SAP30BP: variants seen among roughly 807,000 people sequenced by gnomAD.
SAP30BP encodes the protein SAP30-binding protein.
In SAP30BP, 31 loss-of-function variants were observed where a neutral mutation model predicts 46.3. The observed-to-expected ratio is 0.67, with a 90% CI of 0.50 to 0.90. The LOEUF (loss-of-function observed/expected upper bound fraction) is 0.90, where lower values mean the gene tolerates loss of function less well. Ranked by LOEUF, SAP30BP falls within the 40% of genes least tolerant of loss-of-function variation. The pLI is 0.00. For missense variants in SAP30BP, 312 were observed against 391.0 expected (o/e 0.80, Z 1.70); for synonymous variants, 169 against 144.2 (o/e 1.17, Z -1.23).
At chr17:75,693,224 C>T (rs575375577) in intron 3 of SAP30BP, 66 of 549,136 alleles carry the variant, frequency 1.2e-4, no homozygotes, top group African/African-American at 9.9e-4. Context: ...GAGAGACCGG[C>T]GTGGGGCTCG....
intron 4 of SAP30BP, among the ~76,000 whole-genome samples, chr17:75,695,780 A>G (rs1381418886): frequency 6.6e-6 from 1 of 152,136 alleles, no homozygotes; most frequent in African/African-American, 2.4e-5. Context: ...AGAGCAGAGA[A>G]GCCAAACCAC....
chr17:75,706,157 G>T lies in SAP30BP; in HGVS notation c.745+65G>T. The T allele has an allele frequency of 6.3e-7, 1 of 1,577,246 alleles. No individual in the cohort carries two copies. Among genetic ancestry groups the T allele is most frequent in the South Asian group, 1.1e-5 (1 of 88,346 alleles). ...GAGCCAGGGTCTCCCTGGCTTGTTT[G>T]GGCGACAGACAGCACGTGGATCTGG... On this transcript the variant is annotated intron_variant, in intron 10 of 10. Transcript: ENST00000584667. The surrounding 1 kb of genome is among the most constrained non-coding windows in gnomAD (Gnocchi z 4.6).
chr17:75,687,964 C>A (rs1387459551), intron 3 of SAP30BP, among the ~76,000 whole-genome samples: 1 of 72,306 alleles, frequency 1.4e-5, no homozygotes, highest in Non-Finnish European at 2.9e-5. Flanking sequence ...GTGAGAGAGA[C>A]AGAGAGAGGT....
chr17:75,693,233 C>T (rs1013102480), intron 3 of SAP30BP: 16 of 565,208 alleles, frequency 2.8e-5, no homozygotes, highest in East Asian at 2.1e-4. Context: ...GCGTGGGGCT[C>T]GGGAGCATCC....
At chr17:75,675,016 G>A (rs1048355971) in intron 3 of SAP30BP, among the ~76,000 whole-genome samples, 15 of 152,042 alleles carry the variant, frequency 9.9e-5, no homozygotes, top group Non-Finnish European at 2.1e-4. Context: ...ATGAACATAG[G>A]AAGTTTCTAA....
intron 3 of SAP30BP, 107 bp from the exon 4 acceptor site, chr17:75,693,333 G>A (rs1568315482): frequency 4.3e-6 from 4 of 923,322 alleles, no homozygotes; most frequent in South Asian, 1.4e-5. Context: ...GTTCCTGGCA[G>A]TGCTTTTACT....
At chr17:75,705,499 C>A in intron 9 of SAP30BP, 3 of 438,622 alleles carry the variant, frequency 6.8e-6, no homozygotes, top group Non-Finnish European at 9.2e-6. Context: ...GAGGTGCTGG[C>A]TGCTGGGCCA....
In SAP30BP at chr17:75,708,043, CTG is replaced by C. The variant is rs1240448830; in HGVS notation, c.*1524_*1525del. 7 of 151,940 alleles carry C rather than the reference CTG, an allele frequency of 4.6e-5. No homozygotes were observed. Among genetic ancestry groups the C allele is most frequent in the Admixed American group, 3.9e-4 (6 of 15,204 alleles). 9.4% of individuals were successfully genotyped at this position (151,940 alleles called of 1,614,324 possible). A position where few individuals can be genotyped will look rare whatever the true frequency, so the allele number is the denominator to read the frequency against. ...GTGACTTATGCAAAAGCTTTATAAA[CTG>C]TAAAGTTCCTGCCAGTGTTTTTTGT... On this transcript the variant is annotated 3_prime_UTR_variant, in exon 11 of 11. Coordinates refer to ENST00000584667, the MANE Select transcript of SAP30BP (RefSeq NM_013260.8).
At chr17:75,701,209 C>T (rs1293135924) in intron 5 of SAP30BP, among the ~76,000 whole-genome samples, 1 of 152,240 alleles carries the variant, frequency 6.6e-6, no homozygotes, top group Non-Finnish European at 1.5e-5. Flanking sequence ...TGCCCACCTG[C>T]TTTTGCCGGC....
At chr17:75,667,820 G>A (rs1217147430) in intron 1 of SAP30BP, among the ~76,000 whole-genome samples, 3 of 152,314 alleles carry the variant, frequency 2.0e-5, no homozygotes, top group Non-Finnish European at 2.9e-5. Flanking sequence ...AAACATACGT[G>A]GAAGATGGTA....
At chr17:75,668,899 G>T (rs1390605001) in intron 2 of SAP30BP, among the ~76,000 whole-genome samples, 1 of 152,062 alleles carries the variant, frequency 6.6e-6, no homozygotes, top group Non-Finnish European at 1.5e-5. Flanking sequence ...GTTTTATGTT[G>T]ATTTTTCCCT....
Position 75,703,837 on chromosome 17 carries a change from G to C in SAP30BP, c.579G>C (p.Glu193Asp). ...KDMFDPHGWSEDSYYEALAKA... is the reference protein window; with the variant it reads ...KDMFDPHGWSDDSYYEALAKA... The stretch of plus-strand genomic sequence containing the variant: ...TGTTTGATCCCCATGGCTGGTCTGA[G>C]GACTCCTACTATGAGGCATTAGGTA... Residue 193 changes from glutamate to aspartate, a missense_variant, in exon 8 of 11, where the codon GAG becomes GAC. Around this residue, in one of 2 missense-constraint regions of SAP30BP, gnomAD observed 296 missense variants for 346.6 expected, o/e 0.85. Transcript: ENST00000584667. 1 of 1,613,766 alleles carries C rather than the reference G, an allele frequency of 6.2e-7. No homozygotes were observed. The highest frequency in any genetic ancestry group is 1.1e-5 in the South Asian group (1 of 91,072).
At chr17:75,677,748 C>A (rs2060014131) in intron 3 of SAP30BP, among the ~76,000 whole-genome samples, 1 of 144,026 alleles carries the variant, frequency 6.9e-6, no homozygotes, top group Non-Finnish European at 1.5e-5. Flanking sequence ...TGGGATTACA[C>A]CCAGCCCTTT....
intron 3 of SAP30BP, among the ~76,000 whole-genome samples, chr17:75,673,238 C>G (rs1042729382): frequency 2.0e-5 from 3 of 152,114 alleles, no homozygotes; most frequent in African/African-American, 7.2e-5. Flanking sequence ...AAAAGAACCC[C>G]TGAAAACTGT....
At chr17:75,687,980 C>T (rs1012007733) in intron 3 of SAP30BP, among the ~76,000 whole-genome samples, 6 of 145,724 alleles carry the variant, frequency 4.1e-5, no homozygotes, top group Admixed American at 4.1e-4. Context: ...GAGGTCAGTG[C>T]TTGAGCACCT....
At chr17:75,673,481 C>T (rs1400472186) in intron 3 of SAP30BP, among the ~76,000 whole-genome samples, 3 of 152,058 alleles carry the variant, frequency 2.0e-5, no homozygotes, top group Non-Finnish European at 4.4e-5. Flanking sequence ...CCCAGGGAGC[C>T]GTTAAGTGTT....
intron 1 of SAP30BP, chr17:75,668,091 G>A (rs1221932919): frequency 6.2e-6 from 1 of 162,594 alleles, no homozygotes; most frequent in Non-Finnish European, 1.3e-5. Context: ...GATTCCTTTG[G>A]GAGAATAAAG....
At chr17:75,696,583 G>A (rs1568318147) in intron 4 of SAP30BP, among the ~76,000 whole-genome samples, 1 of 151,576 alleles carries the variant, frequency 6.6e-6, no homozygotes, top group Non-Finnish European at 1.5e-5. Flanking sequence ...GAAATGTGGG[G>A]TTCAAGTCTT....
At position 75,706,575 on chromosome 17, in the gene SAP30BP, C is replaced by A; in HGVS notation, c.*54C>A. On this transcript the variant is annotated 3_prime_UTR_variant, in exon 11 of 11. Coordinates refer to ENST00000584667, the MANE Select transcript of SAP30BP (RefSeq NM_013260.8). The surrounding 1 kb of genome is among the most constrained non-coding windows in gnomAD (Gnocchi z 4.6). ...GACCGTGCAGCCCAGTGACCACTGCCCAGTGGGAGGCGCCACTTTGTATAT... is the reference window on the plus strand; with the variant it reads ...GACCGTGCAGCCCAGTGACCACTGCACAGTGGGAGGCGCCACTTTGTATAT... 1 of 1,514,324 alleles carries A rather than the reference C, an allele frequency of 6.6e-7. No homozygotes were observed. Among genetic ancestry groups the A allele is most frequent in the Non-Finnish European group, 9.1e-7 (1 of 1,097,980 alleles). The allele number at this position is 1,514,324 out of a possible 1,614,324, so 93.8% of individuals were successfully genotyped here.
Sources: allele counts gnomAD v4.1 joint callset (sites outside exome capture counted in the v4.1 genomes callset), GRCh38; gene constraint gnomAD v4.1.1; regional missense constraint gnomAD v4.1.1; non-coding constraint Gnocchi (gnomAD v3.1); transcripts MANE v1.5; gene names NCBI Gene and HGNC (gene_info 2026-07-23, HGNC 2026-07-21).